OR10R2: variants seen among roughly 807,000 people sequenced by gnomAD.
OR10R2 encodes olfactory receptor 10R2.
In OR10R2, 1 loss-of-function variant was observed where a neutral mutation model predicts 2.4. The ratio of observed to expected loss-of-function variants is 0.41; its 90% CI spans 0.15 to 1.95. The LOEUF is 1.95. OR10R2 is among the 30% of genes most tolerant of loss of function. The pLI is 0.30. For synonymous variants in OR10R2, 166 were observed against 144.8 expected (o/e 1.15, Z -1.05); for missense variants, 419 against 373.0 (o/e 1.12, Z -1.01).
intron 1 of OR10R2, chr1:158,474,393 A>T (rs151164048): frequency 6.6e-6 from 1 of 152,188 alleles, no homozygotes; most frequent in Non-Finnish European, 1.5e-5. Flanking sequence ...ACTTTGAATA[A>T]ATTTGTTTCT....
intron 1 of OR10R2, among the ~76,000 whole-genome samples, chr1:158,476,877 T>C (rs1434148125): frequency 2.0e-5 from 3 of 152,184 alleles, no homozygotes; most frequent in Non-Finnish European, 4.4e-5. Flanking sequence ...TTGTATGTCT[T>C]ATTTTGAGAG....
intron 1 of OR10R2, 84 bp from the exon 2 acceptor site, chr1:158,479,854 C>T: frequency 7.1e-7 from 1 of 1,407,158 alleles, no homozygotes; most frequent in Non-Finnish European, 9.8e-7. Context: ...TCTTTGTCAC[C>T]ACCTGAAAGG....
intron 1 of OR10R2, among the ~76,000 whole-genome samples, chr1:158,473,923 C>T (rs1217936958): frequency 7.0e-6 from 1 of 143,638 alleles, no homozygotes; most frequent in Non-Finnish European, 1.5e-5. Flanking sequence ...TTCCTTCCCT[C>T]CCTCCCTCTC....
chr1:158,479,821 A>C (rs1445365328), intron 1 of OR10R2, 117 bp from the exon 2 acceptor site: 1 of 1,039,388 alleles, frequency 9.6e-7, no homozygotes, highest in South Asian at 1.5e-5. Flanking sequence ...GAACCGGAAA[A>C]GGTGAATAAA....
intron 1 of OR10R2, among the ~76,000 whole-genome samples, chr1:158,477,616 A>G (rs1344611861): frequency 6.6e-6 from 1 of 152,194 alleles, no homozygotes; most frequent in Non-Finnish European, 1.5e-5. Flanking sequence ...AGGTCTCTAC[A>G]AGGAGAACTA....
intron 1 of OR10R2, among the ~76,000 whole-genome samples, chr1:158,477,925 C>A (rs1163084319): frequency 6.6e-6 from 1 of 152,064 alleles, no homozygotes; most frequent in African/African-American, 2.4e-5. Flanking sequence ...GTTACAGTAA[C>A]CCAAACAGCA....
At chr1:158,480,782 C>T (rs1479680488) in exon 2 of OR10R2, 1 of 1,613,760 alleles carries the variant, frequency 6.2e-7, no homozygotes, top group South Asian at 1.1e-5. Context: ...ACGATTGTCA[C>T]TCCATTACTA....
At chr1:158,473,220 C>T (rs898196631) in intron 1 of OR10R2, among the ~76,000 whole-genome samples, 4 of 152,116 alleles carry the variant, frequency 2.6e-5, no homozygotes, top group African/African-American at 9.7e-5. Flanking sequence ...TTGCTAGAAA[C>T]TCTGATGCTG....
chr1:158,474,507 G>T (rs183633102), intron 1 of OR10R2: 1 of 152,192 alleles, frequency 6.6e-6, no homozygotes, highest in Non-Finnish European at 1.5e-5. Flanking sequence ...ATTCTCTTAA[G>T]ATTCCATAGT....
rs2101675588 is a variant in OR10R2, at chr1:158,479,867, C to T, written c.28-71C>T. The T allele has an allele frequency of 3.3e-6, 5 of 1,533,340 alleles. No individual in the cohort carries two copies. In the South Asian group the frequency reaches 4.7e-5, roughly 14 times the overall value. 95.0% of individuals were successfully genotyped at this position (1,533,340 alleles called of 1,614,324 possible). ...CTTCTTTGTCACCACCTGAAAGGAA[C>T]AAAGGAGTGCATGCCCCAAATTCTT... On this transcript the variant is annotated intron_variant, in intron 1 of 1. Coordinates refer to ENST00000641067, the Ensembl canonical transcript of OR10R2.
chr1:158,473,486 A>C (rs1008430609), intron 1 of OR10R2, among the ~76,000 whole-genome samples: 18 of 152,224 alleles, frequency 1.2e-4, no homozygotes, highest in African/African-American at 4.3e-4. Flanking sequence ...ATAGTTTTTA[A>C]ATTGAAATAG....
At chr1:158,480,483 A>T in exon 2 of OR10R2, 4 of 1,613,486 alleles carry the variant, frequency 2.5e-6, no homozygotes, top group Non-Finnish European at 3.4e-6. Flanking sequence ...GTGACATCTC[A>T]GCAGTCATTC....
exon 2 of OR10R2, chr1:158,480,174 C>T (rs1571295821): frequency 6.2e-7 from 1 of 1,614,068 alleles, no homozygotes; most frequent in Non-Finnish European, 8.5e-7. Context: ...TCATTCTACC[C>T]AAGATGCTCA....
chr1:158,477,843 A>G, intron 1 of OR10R2, among the ~76,000 whole-genome samples: 1 of 152,152 alleles, frequency 6.6e-6, no homozygotes, highest in South Asian at 2.1e-4. Context: ...CAAATAGCCC[A>G]AGTAACCCTA....
Position 158,480,202 on chromosome 1 carries a change from G to T in OR10R2, c.292G>T (p.Ala98Ser), listed in dbSNP as rs772529829. Residue 98 changes from alanine to serine, a missense_variant, in exon 2 of 2, where the codon GCC becomes TCC. By Grantham distance (99) the Ala-to-Ser change is moderately conservative. Coordinates refer to ENST00000641067, the Ensembl canonical transcript of OR10R2. Reference sequence around the variant, plus strand: ...GATGCTCATCAATCTACTTTCTGTGGCCAGGACAATCTCCTTCAACTGTTG... The same window carrying T: ...GATGCTCATCAATCTACTTTCTGTGTCCAGGACAATCTCCTTCAACTGTTG... 4.1e-5 allele frequency: 66 copies of T among 1,613,762 alleles called. No homozygotes were observed. In the East Asian group the frequency reaches 1.0e-3, roughly 25 times the overall value.
chr1:158,480,152 T>C, exon 2 of OR10R2: 1 of 1,614,090 alleles, frequency 6.2e-7, no homozygotes, highest in Non-Finnish European at 8.5e-7. Context: ...TCTGAGACCT[T>C]CTACACCTTT....
At chr1:158,480,197 C>T (rs1212879955) in exon 2 of OR10R2, 1 of 1,614,086 alleles carries the variant, frequency 6.2e-7, no homozygotes, top group East Asian at 2.2e-5. Context: ...AATCTACTTT[C>T]TGTGGCCAGG....
chr1:158,474,251 T>C (rs1051695684), intron 1 of OR10R2, among the ~76,000 whole-genome samples: 1 of 152,094 alleles, frequency 6.6e-6, no homozygotes. Flanking sequence ...TGCCTCCTAT[T>C]CTCAGGCCCC....
At chr1:158,480,562 G>A (rs1474751059) in exon 2 of OR10R2, 4 of 1,613,578 alleles carry the variant, frequency 2.5e-6, no homozygotes, top group Admixed American at 1.7e-5. Context: ...TGTACTTGTG[G>A]TTCCCTTTCT....
Sources: gnomAD v4.1 joint callset for allele counts (sites outside exome capture counted in the v4.1 genomes callset) on GRCh38, gnomAD v4.1.1 for gene constraint, MANE v1.5 for transcripts, NCBI Gene and HGNC (gene_info 2026-07-23, HGNC 2026-07-21) for gene names.